Variants in UPP2 observed in about 807,000 individuals in gnomAD.
UPP2 encodes UPase 2.
UPP2 carries 23 observed loss-of-function variants against 26.7 expected under a neutral mutation model. The observed-to-expected ratio is 0.86, with a 90% CI of 0.62 to 1.22. The LOEUF (loss-of-function observed/expected upper bound fraction) is 1.22, where lower values mean the gene tolerates loss of function less well. UPP2 is among the 50% of genes most tolerant of loss of function. The pLI, the probability that UPP2 is intolerant of heterozygous loss-of-function variation, is 0.00. For synonymous variants in UPP2, 127 were observed against 141.3 expected (o/e 0.90, Z 0.72); for missense variants, 387 against 396.7 (o/e 0.98, Z 0.21).
intron 3 of UPP2, among the ~76,000 whole-genome samples, chr2:158,044,870 C>T (rs1684130184): frequency 6.6e-6 from 1 of 152,154 alleles, no homozygotes; most frequent in African/African-American, 2.4e-5. Flanking sequence ...TAACTCCGCT[C>T]CATGTGTCTG....
chr2:158,116,100 TGATGAAAACCTGC>T (rs1210840382), intron 3 of UPP2, among the ~76,000 whole-genome samples: 2 of 152,146 alleles, frequency 1.3e-5, no homozygotes, highest in East Asian at 3.9e-4. Flanking sequence ...GGACAATCAT[TGATGAAAACCTGC>T]GGTAAAGAAG....
intron 3 of UPP2, among the ~76,000 whole-genome samples, chr2:158,028,505 G>A (rs1450575819): frequency 1.3e-5 from 2 of 152,150 alleles, no homozygotes; most frequent in African/African-American, 2.4e-5. Flanking sequence ...CATTCAACAA[G>A]TCTCTAGGAA....
chr2:158,047,999 G>C (rs1468445807), intron 3 of UPP2, among the ~76,000 whole-genome samples: 4 of 147,762 alleles, frequency 2.7e-5, no homozygotes, highest in African/African-American at 8.0e-5. Flanking sequence ...TGAGCAGAGA[G>C]TTCAGTGAGG....
At chr2:158,023,440 T>A (rs1683786919) in intron 3 of UPP2, among the ~76,000 whole-genome samples, 1 of 152,182 alleles carries the variant, frequency 6.6e-6, no homozygotes, top group African/African-American at 2.4e-5. Flanking sequence ...GAGCCTCCTC[T>A]CCCTCTGAAA....
At chr2:158,084,616 TAC>T (rs528008874) in intron 3 of UPP2, among the ~76,000 whole-genome samples, 28 of 152,194 alleles carry the variant, frequency 1.8e-4, no homozygotes, top group Non-Finnish European at 3.4e-4. Context: ...CTAGAATTTT[TAC>T]AGTTTCAGGT....
rs1683563555 is a variant in UPP2 at position 158,121,420 on chromosome 2, G to C, written c.466G>C (p.Gly156Arg). 1 of 1,612,464 alleles carries C rather than the reference G, an allele frequency of 6.2e-7. No homozygotes were observed. Among genetic ancestry groups the C allele is most frequent in the African/African-American group, 1.3e-5 (1 of 74,864 alleles). Residue 156 changes from glycine (G) to arginine (R), a missense_variant, in exon 5 of 7, where the codon GGG (glycine) becomes CGG (arginine). Transcript: ENST00000005756. ...GTSGGIGIAP[G>R]TVVITDIAVD... is the part of the protein sequence containing the mutation. ...TTCCCACATTGCAGGGATTGCACCA[G>C]GGACTGTTGTAATAACGGATATAGC...
chr2:158,025,156 C>T (rs914148096), intron 3 of UPP2, among the ~76,000 whole-genome samples: 2 of 146,854 alleles, frequency 1.4e-5, no homozygotes, highest in South Asian at 2.1e-4. Context: ...GAGCTGAGAT[C>T]GTGCCTTTGC....
chr2:158,073,327 T>G (rs542210817), intron 3 of UPP2, among the ~76,000 whole-genome samples: 1 of 151,846 alleles, frequency 6.6e-6, no homozygotes, highest in South Asian at 2.1e-4. Flanking sequence ...AAATGAAGCA[T>G]CCCTACAAGA....
At chr2:158,072,442 T>C (rs1682557915) in intron 3 of UPP2, among the ~76,000 whole-genome samples, 1 of 152,114 alleles carries the variant, frequency 6.6e-6, no homozygotes. Flanking sequence ...CTGACTATCT[T>C]CCCATCTGCA....
chr2:158,033,352 C>T (rs1683953199), intron 3 of UPP2, among the ~76,000 whole-genome samples: 1 of 152,206 alleles, frequency 6.6e-6, no homozygotes, highest in South Asian at 2.1e-4. Flanking sequence ...TCACACTCAC[C>T]TACTCTCCTG....
upstream of UPP2, among the ~76,000 whole-genome samples, chr2:158,097,919 T>C (rs1338025763): frequency 6.6e-6 from 1 of 152,172 alleles, no homozygotes. Flanking sequence ...CATGGCCTTT[T>C]TCATAGTGCA....
intron 3 of UPP2, among the ~76,000 whole-genome samples, chr2:158,079,950 C>T (rs986304506): frequency 6.6e-6 from 1 of 152,166 alleles, no homozygotes; most frequent in East Asian, 1.9e-4. Context: ...GCGTAATCAT[C>T]ATCTGTGTTT....
intron 3 of UPP2, among the ~76,000 whole-genome samples, chr2:158,057,761 T>C (rs1682271187): frequency 2.0e-5 from 3 of 152,086 alleles, no homozygotes; most frequent in Non-Finnish European, 4.4e-5. Context: ...AACTTCTTTT[T>C]TTGTTGTTCC....
At chr2:158,114,167 T>C (rs1017003028) in intron 2 of UPP2, among the ~76,000 whole-genome samples, 3 of 152,220 alleles carry the variant, frequency 2.0e-5, no homozygotes, top group African/African-American at 7.2e-5. Flanking sequence ...CTCCACTATG[T>C]TGTCTTCTCT....
chr2:158,001,214 A>AC (rs1451255733), intron 2 of UPP2, among the ~76,000 whole-genome samples: 1 of 152,216 alleles, frequency 6.6e-6, no homozygotes, highest in Non-Finnish European at 1.5e-5. Context: ...CAGGAAACAA[A>AC]TGGTCCACTC....
In UPP2 at chr2:158,102,970, C is replaced by G. The variant is rs116344374; in HGVS notation, c.62+845C>G. Reference sequence around the variant, plus strand: ...TTGGTTACCAATATTTAATACTCATCATGTAGTGTAATTTGTCACGATTTA... The same window carrying G: ...TTGGTTACCAATATTTAATACTCATGATGTAGTGTAATTTGTCACGATTTA... On this transcript the variant is annotated intron_variant, in intron 1 of 6. Coordinates refer to ENST00000005756, the MANE Select transcript of UPP2 (RefSeq NM_173355.4). 1.8e-3 allele frequency among the ~76,000 whole-genome samples: 267 copies of G among 152,292 alleles called. 2 individuals carry two copies. The highest frequency in any genetic ancestry group is 5.9e-3 in the African/African-American group (247 of 41,560).
chr2:158,062,449 G>T (rs369450341), intron 3 of UPP2, among the ~76,000 whole-genome samples: 2 of 152,276 alleles, frequency 1.3e-5, no homozygotes, highest in African/African-American at 2.4e-5. Context: ...CCTGGGACAT[G>T]TATCCACGTG....
chr2:158,004,202 C>G (rs1356110127), intron 2 of UPP2, among the ~76,000 whole-genome samples: 1 of 151,986 alleles, frequency 6.6e-6, no homozygotes, highest in East Asian at 1.9e-4. Context: ...ATTAGTAAAT[C>G]TTGCTAGTGT....
intron 5 of UPP2, among the ~76,000 whole-genome samples, chr2:158,122,479 C>T (rs1683590859): frequency 1.3e-5 from 2 of 151,900 alleles, no homozygotes; most frequent in Non-Finnish European, 2.9e-5. Context: ...TGTTGGGGTC[C>T]AATAGGGTTG....
Sources: allele counts gnomAD v4.1 joint callset (sites outside exome capture counted in the v4.1 genomes callset), GRCh38; gene constraint gnomAD v4.1.1; transcripts MANE v1.5; gene names NCBI Gene and HGNC (gene_info 2026-07-23, HGNC 2026-07-21).